ACYP2: variants seen among roughly 807,000 people sequenced by gnomAD.
ACYP2 encodes the protein acylphosphatase 2, also known as acylphosphatase-2.
ACYP2 carries 12 observed loss-of-function variants against 11.2 expected under a neutral mutation model. The observed-to-expected ratio is 1.08, with a 90% CI of 0.69 to 1.74. ACYP2 has a LOEUF of 1.74. Among genes scored for constraint, ACYP2 ranks in the 40% most tolerant of loss-of-function variants. The probability of loss-of-function intolerance (pLI) is 0.00; values close to 1 mark genes in which losing one functional copy is unlikely to be tolerated. For missense variants in ACYP2, 134 were observed against 101.9 expected (o/e 1.31, Z -1.35); for synonymous variants, 43 against 32.2 (o/e 1.33, Z -1.13).
intron 2 of ACYP2, among the ~76,000 whole-genome samples, chr2:54,006,239 C>T (rs1226880427): frequency 6.6e-6 from 1 of 152,006 alleles, no homozygotes; most frequent in Non-Finnish European, 1.5e-5. Flanking sequence ...CCTCTGCCTC[C>T]TGGGTTCAAG....
chr2:54,070,321 C>A (rs1558507256), intron 4 of ACYP2, among the ~76,000 whole-genome samples: 1 of 151,590 alleles, frequency 6.6e-6, no homozygotes, highest in Admixed American at 6.6e-5. Context: ...GGAATCTGCT[C>A]TGCAGGTGTC....
intron 6 of ACYP2, among the ~76,000 whole-genome samples, chr2:54,219,779 C>G (rs1208081158): frequency 6.8e-6 from 1 of 147,234 alleles, no homozygotes; most frequent in East Asian, 2.0e-4. Context: ...CCACCACACC[C>G]AGCTAATTTT....
intron 6 of ACYP2, among the ~76,000 whole-genome samples, chr2:54,249,434 CAA>C (rs55649227): frequency 0.013 from 1,201 of 94,618 alleles, 12 homozygotes; most frequent in Non-Finnish European, 0.02. Flanking sequence ...GACTCCGTCT[CAA>C]AAAAAAAAAA....
In ACYP2 at chr2:54,247,056, C is replaced by T. The variant is rs1486697494; in HGVS notation, c.405-57632C>T. On this transcript the variant is annotated intron_variant, in intron 6 of 6. Transcript: ENST00000607452. ...TTGTAACTATTCCCTGCCCCAAAGT[C>T]CTAAAATTAGATTAGAAGACAATTT... Among the ~76,000 whole-genome samples the T allele has an allele frequency of 3.3e-5, 5 of 152,210 alleles. No homozygotes were observed. In the South Asian group the frequency reaches 1.0e-3, roughly 32 times the overall value.
intron 4 of ACYP2, chr2:54,065,946 T>C (rs191555928): frequency 6.4e-6 from 1 of 155,458 alleles, no homozygotes; most frequent in African/African-American, 2.4e-5. Context: ...ACATGACTTA[T>C]TTACAAATTT....
chr2:54,101,504 A>G (rs754247955), intron 4 of ACYP2, among the ~76,000 whole-genome samples: 4 of 152,094 alleles, frequency 2.6e-5, no homozygotes, highest in Non-Finnish European at 5.9e-5. Context: ...CCCCGTCTCT[A>G]CTAAAAATAC....
intron 4 of ACYP2, among the ~76,000 whole-genome samples, chr2:54,104,553 C>G (rs139225842): frequency 1.3e-5 from 2 of 152,268 alleles, no homozygotes; most frequent in Non-Finnish European, 2.9e-5. Context: ...AGATACAGAA[C>G]TCTGGAGCCT....
chr2:54,113,939 G>A (rs1477852576), intron 4 of ACYP2, among the ~76,000 whole-genome samples: 1 of 152,128 alleles, frequency 6.6e-6, no homozygotes, highest in Non-Finnish European at 1.5e-5. Context: ...GAATGAACTG[G>A]GAGATGGAAG....
At chr2:54,229,027 A>G (rs1178728799) in intron 6 of ACYP2, among the ~76,000 whole-genome samples, 2 of 152,202 alleles carry the variant, frequency 1.3e-5, no homozygotes, top group African/African-American at 4.8e-5. Flanking sequence ...AGTGAGATGC[A>G]TAGTTATAAG....
At chr2:54,082,282 A>G (rs1277168483) in intron 4 of ACYP2, among the ~76,000 whole-genome samples, 10 of 148,412 alleles carry the variant, frequency 6.7e-5, no homozygotes, top group Middle Eastern at 3.5e-3. Flanking sequence ...GTCTCACTCT[A>G]TCGCCCAGGC....
In ACYP2 at chr2:54,125,480, T is replaced by G. The variant is rs1680435599; in HGVS notation, c.278-9973T>G. Among the ~76,000 whole-genome samples the G allele has an allele frequency of 2.6e-5, 4 of 152,322 alleles. No homozygotes were observed. In the South Asian group the frequency reaches 8.3e-4, roughly 32 times the overall value. Reference sequence around the variant, plus strand: ...AATACTAATTTTTGGCCAGGCACGGTGGTTCATACCTGTAATCCCAGCACT... The same window carrying G: ...AATACTAATTTTTGGCCAGGCACGGGGGTTCATACCTGTAATCCCAGCACT... On this transcript the variant is annotated intron_variant, in intron 4 of 6. Transcript: ENST00000607452.
intron 6 of ACYP2, chr2:54,143,141 CATTT>C (rs1558566137): frequency 6.6e-6 from 1 of 152,148 alleles, no homozygotes; most frequent in Non-Finnish European, 1.5e-5. Context: ...TCAGTGACTT[CATTT>C]GTCAGACCTG....
chr2:54,214,671 T>C (rs536190814), intron 6 of ACYP2, among the ~76,000 whole-genome samples: 27 of 152,328 alleles, frequency 1.8e-4, no homozygotes, highest in African/African-American at 6.3e-4. Context: ...AGTCAGGCAG[T>C]GTGATGTCTC....
chr2:54,226,084 G>T (rs1686000166), intron 6 of ACYP2, among the ~76,000 whole-genome samples: 1 of 152,158 alleles, frequency 6.6e-6, no homozygotes, highest in South Asian at 2.1e-4. Context: ...ATGAAGTCTT[G>T]TATAAACATC....
intron 2 of ACYP2, among the ~76,000 whole-genome samples, chr2:54,026,420 A>G (rs1434482546): frequency 6.6e-6 from 1 of 152,204 alleles, no homozygotes; most frequent in Admixed American, 6.5e-5. Flanking sequence ...AGATGTTGGC[A>G]TGAATGTGGT....
At chr2:53,991,036 T>G (rs1384202085) in intron 2 of ACYP2, among the ~76,000 whole-genome samples, 1 of 152,180 alleles carries the variant, frequency 6.6e-6, no homozygotes, top group Non-Finnish European at 1.5e-5. Context: ...GACCTTGTGA[T>G]CCGCCCGCCT....
At chr2:54,091,488 A>G (rs191444960) in intron 4 of ACYP2, among the ~76,000 whole-genome samples, 7,577 of 133,426 alleles carry the variant, frequency 0.057, 241 homozygotes, top group Non-Finnish European at 0.084. Flanking sequence ...CACTCTCTTG[A>G]TTTTATTTAT....
intron 4 of ACYP2, among the ~76,000 whole-genome samples, chr2:54,073,027 C>G (rs1230358657): frequency 6.6e-6 from 1 of 152,122 alleles, no homozygotes; most frequent in Non-Finnish European, 1.5e-5. Flanking sequence ...GTGGTACTGA[C>G]AAAAGGCTAG....
intron 4 of ACYP2, among the ~76,000 whole-genome samples, chr2:54,069,133 G>T (rs1676887795): frequency 6.6e-6 from 1 of 151,926 alleles, no homozygotes; most frequent in South Asian, 2.1e-4. Context: ...GTCTCACTTT[G>T]TTGCCCAGTC....
Sources: allele counts gnomAD v4.1 joint callset (sites outside exome capture counted in the v4.1 genomes callset), GRCh38; gene constraint gnomAD v4.1.1; transcripts MANE v1.5; gene names NCBI Gene and HGNC (gene_info 2026-07-23, HGNC 2026-07-21).